The following DDX43 variants were observed in gnomAD, a reference collection of about 807,000 sequenced individuals.
The protein encoded by DDX43 is probable ATP-dependent RNA helicase DDX43.
Under a neutral mutation model 84.9 loss-of-function variants are expected in DDX43, and 50 were observed. The observed-to-expected ratio is 0.59, with a 90% CI of 0.47 to 0.75. The LOEUF (loss-of-function observed/expected upper bound fraction) is 0.75, where lower values mean the gene tolerates loss of function less well. Ranked by LOEUF, DDX43 falls within the 30% of genes least tolerant of loss-of-function variation. The probability of loss-of-function intolerance (pLI) is 0.00; values close to 1 mark genes in which losing one functional copy is unlikely to be tolerated. For missense variants in DDX43, 689 were observed against 798.6 expected, an observed-to-expected ratio of 0.86 and a Z score of 1.65; for synonymous variants, 291 against 266.3, an observed-to-expected ratio of 1.09 and a Z score of -0.90.
rs1401787676 is a variant in DDX43, at chr6:73,400,283, C to G, written c.356C>G (p.Ala119Gly). ...TTAGTCAAAATTTTTGGCAGCAAGGCAATGCAAACGAAAGCAAAAGCAGTG... is the reference window on the plus strand; with the variant it reads ...TTAGTCAAAATTTTTGGCAGCAAGGGAATGCAAACGAAAGCAAAAGCAGTG... ...ESLVKIFGSK[A>G]MQTKAKAVID... Residue 119 changes from alanine to glycine, a missense_variant, in exon 3 of 17, where the codon GCA becomes GGA. Around this residue, in one of 2 missense-constraint regions of DDX43, gnomAD observed 552 missense variants for 692.7 expected, o/e 0.80. Coordinates refer to ENST00000370336, the MANE Select transcript of DDX43 (RefSeq NM_018665.3). 1 of 1,607,930 alleles carries G rather than the reference C, an allele frequency of 6.2e-7. No homozygotes were observed. The highest frequency in any genetic ancestry group is 8.5e-7 in the Non-Finnish European group (1 of 1,177,598).
intron 1 of DDX43, among the ~76,000 whole-genome samples, chr6:73,395,609 G>A (rs1345048451): frequency 1.4e-5 from 2 of 147,570 alleles, no homozygotes; most frequent in Non-Finnish European, 3.0e-5. Flanking sequence ...GCAAGACTCC[G>A]TCTCAATTAA....
intron 11 of DDX43, among the ~76,000 whole-genome samples, chr6:73,412,690 T>TGTGC (rs1769823087): frequency 8.8e-6 from 1 of 113,962 alleles, no homozygotes; most frequent in Non-Finnish European, 1.9e-5. Flanking sequence ...TGTGTGTGTG[T>TGTGC]GCGCGTGCGT....
chr6:73,403,784 G>A (rs946106934), intron 4 of DDX43, among the ~76,000 whole-genome samples: 4 of 151,676 alleles, frequency 2.6e-5, no homozygotes, highest in African/African-American at 9.7e-5. Flanking sequence ...CAAGTAGTTG[G>A]GACTACAGGC....
intron 5 of DDX43, 94 bp from the exon 6 acceptor site, chr6:73,405,585 T>C (rs113477933): frequency 1.6e-6 from 2 of 1,257,924 alleles, no homozygotes; most frequent in African/African-American, 3.0e-5. Flanking sequence ...TCAGTTGCAG[T>C]TGAATTTCTA....
At chr6:73,414,710 G>A (rs746142664) in intron 14 of DDX43, 24 bp downstream of exon 14, 6 of 1,592,746 alleles carry the variant, frequency 3.8e-6, no homozygotes, top group Middle Eastern at 1.7e-4. Context: ...GTCCACCCAT[G>A]AAAGGCCAAT....
intron 10 of DDX43, among the ~76,000 whole-genome samples, chr6:73,411,618 C>T (rs939240262): frequency 6.6e-6 from 1 of 152,094 alleles, no homozygotes; most frequent in Non-Finnish European, 1.5e-5. Context: ...GCATGAGCCA[C>T]CACACACGGC....
At chr6:73,398,342 C>T (rs547102847) in intron 2 of DDX43, among the ~76,000 whole-genome samples, 12 of 152,258 alleles carry the variant, frequency 7.9e-5, no homozygotes, top group African/African-American at 2.6e-4. Flanking sequence ...ACCTCTGCCT[C>T]CCGGGTTGAA....
intron 5 of DDX43, 128 bp downstream of exon 5, chr6:73,404,899 T>G (rs1435132339): frequency 4.0e-6 from 3 of 748,258 alleles, no homozygotes; most frequent in Non-Finnish European, 6.5e-6. Flanking sequence ...ATGTGTCAAC[T>G]TACATGATAT....
At chr6:73,407,276 T>C (rs528944970) in intron 7 of DDX43, among the ~76,000 whole-genome samples, 1 of 152,144 alleles carries the variant, frequency 6.6e-6, no homozygotes, top group African/African-American at 2.4e-5. Flanking sequence ...TGCTGCCATG[T>C]CTGGCTAATT....
In DDX43 at chr6:73,414,692, T is replaced by C. The variant is rs1173153435; in HGVS notation, c.1745+6T>C. ...GGGCGCACGGGAAGAGCAGGGTAAG[T>C]AAGCTTAGTCCACCCATGAAAGGCC... On this transcript the variant is annotated splice_donor_region_variant and intron_variant, in intron 14 of 16. Coordinates refer to ENST00000370336, the MANE Select transcript of DDX43 (RefSeq NM_018665.3). The C allele has an allele frequency of 3.1e-6, 5 of 1,608,736 alleles. No homozygotes were observed. The highest frequency in any genetic ancestry group is 1.7e-5 in the Admixed American group (1 of 58,856).
rs149090963 is a variant in DDX43, at chr6:73,412,352, A to T, written c.1368+60A>T. On this transcript the variant is annotated intron_variant, in intron 11 of 16. Coordinates refer to ENST00000370336, the MANE Select transcript of DDX43 (RefSeq NM_018665.3). Reference sequence around the variant, plus strand: ...CTTATGAAAATTCTGAAGATAGCTAATTTTGGTGTGCCTAGTCTGCCCACT... The same window carrying T: ...CTTATGAAAATTCTGAAGATAGCTATTTTTGGTGTGCCTAGTCTGCCCACT... 556 of 1,465,092 alleles carry T rather than the reference A, an allele frequency of 3.8e-4. 1 individual carries two copies. The African/African-American group carries it at 7.2e-3, about 19-fold the overall frequency. 90.8% of individuals were successfully genotyped at this position (1,465,092 alleles called of 1,614,324 possible).
chr6:73,405,904 G>A (rs1397462934), intron 6 of DDX43, 69 bp downstream of exon 6: 1 of 1,434,964 alleles, frequency 7.0e-7, no homozygotes, highest in Non-Finnish European at 9.5e-7. Context: ...CTGATTGTTA[G>A]AAGACTCCAG....
chr6:73,402,047 T>C lies in DDX43; in HGVS notation c.568+57T>C, dbSNP rs3757107. The C allele has an allele frequency of 0.018, 29,397 of 1,597,382 alleles. 2,389 individuals carry two copies. The Admixed American group carries it at 0.2, about 11-fold the overall frequency. On this transcript the variant is annotated intron_variant, in intron 4 of 16. Transcript: ENST00000370336. ...TGTTTCTGTTAACTGCAGTTTTTAT[T>C]CTCTGTACAATGTCTGTGCTTTATT... is the stretch of plus-strand genomic sequence containing the variant.
At chr6:73,395,300 G>C (rs1769443561) in intron 1 of DDX43, 145 bp downstream of exon 1, 1 of 1,092,720 alleles carries the variant, frequency 9.2e-7, no homozygotes, top group Non-Finnish European at 1.3e-6. Context: ...TGTAAAACCT[G>C]GGGATAGAGT....
intron 11 of DDX43, among the ~76,000 whole-genome samples, chr6:73,412,955 C>T (rs977517792): frequency 2.0e-5 from 3 of 152,170 alleles, no homozygotes; most frequent in Non-Finnish European, 4.4e-5. Flanking sequence ...TCTCAAACTC[C>T]TGACCTCAGG....
At chr6:73,415,847 C>G (rs1174421805) in intron 15 of DDX43, among the ~76,000 whole-genome samples, 6 of 152,022 alleles carry the variant, frequency 3.9e-5, no homozygotes, top group African/African-American at 1.4e-4. Context: ...GTAAATGTTC[C>G]AGCAGGGGGA....
Position 73,413,655 on chromosome 6 carries a change from T to A in DDX43, c.1369-3T>A. ...GATGAACTATGTTCTTTGAATCCTT[T>A]AGGCTGTAAGTTCAGTGAAGCAAAA... On this transcript the variant is annotated splice_polypyrimidine_tract_variant and splice_region_variant and intron_variant, in intron 11 of 16. Coordinates refer to ENST00000370336, the MANE Select transcript of DDX43 (RefSeq NM_018665.3). 1 of 1,613,062 alleles carries A rather than the reference T, an allele frequency of 6.2e-7. No homozygotes were observed. The highest frequency in any genetic ancestry group is 8.5e-7 in the Non-Finnish European group (1 of 1,179,712).
At chr6:73,397,577 C>A (rs1769495738) in intron 1 of DDX43, 112 bp from the exon 2 acceptor site, 8 of 841,362 alleles carry the variant, frequency 9.5e-6, no homozygotes, top group Non-Finnish European at 1.5e-5. Flanking sequence ...ATTGTTGAAC[C>A]CTAGGAGCAT....
At chr6:73,405,167 T>C (rs1454808805) in intron 5 of DDX43, among the ~76,000 whole-genome samples, 1 of 152,188 alleles carries the variant, frequency 6.6e-6, no homozygotes, top group East Asian at 1.9e-4. Context: ...CAGTCCTTGC[T>C]ACCTGAAATT....
Sources: gnomAD v4.1 joint callset for allele counts (sites outside exome capture counted in the v4.1 genomes callset) on GRCh38, gnomAD v4.1.1 for gene constraint, gnomAD v4.1.1 regional missense constraint, MANE v1.5 for transcripts, NCBI Gene and HGNC (gene_info 2026-07-23, HGNC 2026-07-21) for gene names.